SLC25A38: variants seen among roughly 807,000 people sequenced by gnomAD.
SLC25A38 encodes the protein solute carrier family 25 member 38, also known as mitochondrial glycine transporter.
Under a neutral mutation model 33.4 loss-of-function variants are expected in SLC25A38, and 27 were observed. The ratio of observed to expected loss-of-function variants is 0.81; its 90% CI spans 0.60 to 1.11. The LOEUF (loss-of-function observed/expected upper bound fraction) is 1.11. Among genes scored for constraint, SLC25A38 ranks in the 50% most tolerant of loss-of-function variants. The probability of loss-of-function intolerance (pLI) is 0.00; values close to 1 mark genes in which losing one functional copy is unlikely to be tolerated. For missense variants in SLC25A38, 344 were observed against 388.8 expected (o/e 0.88, Z 0.97); for synonymous variants, 123 against 145.9 (o/e 0.84, Z 1.13).
chr3:39,394,585 A>T lies in SLC25A38; in HGVS notation c.792+9A>T. ...TGACACTTATTTTCAAAGTAAGACTACAAAATAAGTACTGGTTCTTGTGGT... is the reference window on the plus strand; with the variant it reads ...TGACACTTATTTTCAAAGTAAGACTTCAAAATAAGTACTGGTTCTTGTGGT... On this transcript the variant is annotated intron_variant, in intron 6 of 6. Transcript: ENST00000650617. The T allele has an allele frequency of 6.2e-7, 1 of 1,614,138 alleles. No individual in the cohort carries two copies. Among genetic ancestry groups the T allele is most frequent in the South Asian group, 1.1e-5 (1 of 91,086 alleles).
intron 1 of SLC25A38, chr3:39,384,574 A>G (rs2041688796): frequency 2.6e-6 from 1 of 386,562 alleles, no homozygotes; most frequent in East Asian, 3.7e-5. Flanking sequence ...GACGTCTTTG[A>G]AAACCTGCTT....
intron 6 of SLC25A38, among the ~76,000 whole-genome samples, 182 bp downstream of exon 6, chr3:39,394,758 C>T (rs1447659389): frequency 6.6e-6 from 1 of 151,992 alleles, no homozygotes; most frequent in Non-Finnish European, 1.5e-5. Flanking sequence ...TAATGTTCCC[C>T]AGTGATTTTA....
chr3:39,396,619 T>C lies in SLC25A38; in HGVS notation c.*99T>C. ...TTCTGCAGTAAGATGAAGTCCTACCTGGAAAACCAGGCAGAAATTGTGTTG... is the reference window on the plus strand; with the variant it reads ...TTCTGCAGTAAGATGAAGTCCTACCCGGAAAACCAGGCAGAAATTGTGTTG... On this transcript the variant is annotated 3_prime_UTR_variant, in exon 7 of 7. Coordinates refer to ENST00000650617, the MANE Select transcript of SLC25A38 (RefSeq NM_017875.4). 6.3e-7 allele frequency: 1 copy of C among 1,598,272 alleles called. No homozygotes were observed. Among genetic ancestry groups the C allele is most frequent in the Non-Finnish European group, 8.6e-7 (1 of 1,169,576 alleles).
intron 5 of SLC25A38, 45 bp from the exon 6 acceptor site, chr3:39,394,365 T>G: frequency 1.2e-6 from 2 of 1,610,620 alleles, no homozygotes; most frequent in Non-Finnish European, 1.7e-6. Context: ...CTTTATCTGA[T>G]TAATATAAGA....
intron 4 of SLC25A38, 46 bp downstream of exon 4, chr3:39,391,666 C>G: frequency 6.2e-7 from 1 of 1,613,334 alleles, no homozygotes; most frequent in Non-Finnish European, 8.5e-7. Context: ...GGCTTAGCCA[C>G]TGGGCTCCTG....
intron 3 of SLC25A38, 74 bp downstream of exon 3, chr3:39,390,581 A>G (rs2041753651): frequency 6.9e-7 from 1 of 1,452,024 alleles, no homozygotes; most frequent in Non-Finnish European, 9.7e-7. Context: ...CTACCTTACC[A>G]GCTCTTAAGG....
chr3:39,395,638 C>G (rs1196615643), intron 6 of SLC25A38, among the ~76,000 whole-genome samples: 1 of 151,706 alleles, frequency 6.6e-6, no homozygotes, highest in African/African-American at 2.4e-5. Context: ...GGCATTTTTT[C>G]TTTAATTAAT....
In SLC25A38 at chr3:39,392,695, G is replaced by A. The variant is rs1035347559; in HGVS notation, c.625+674G>A. On this transcript the variant is annotated intron_variant, in intron 5 of 6. Transcript: ENST00000650617. ...ACACATCCATAGAATGAACCTGCAT[G>A]TAATAAAGTGTCTATGGATAATTTG... Among the ~76,000 whole-genome samples, 5 of 152,224 alleles carry A rather than the reference G, an allele frequency of 3.3e-5. No homozygotes were observed. The East Asian group carries it at 9.7e-4, about 29-fold the overall frequency.
chr3:39,388,674 A>T (rs1208642998), intron 1 of SLC25A38, among the ~76,000 whole-genome samples: 1 of 152,066 alleles, frequency 6.6e-6, no homozygotes, highest in East Asian at 1.9e-4. Flanking sequence ...AGGGAAGGGG[A>T]AGAAGGTCAC....
intron 3 of SLC25A38, 46 bp from the exon 4 acceptor site, chr3:39,391,393 TAA>T (rs758689666): frequency 1.2e-6 from 2 of 1,611,316 alleles, no homozygotes; most frequent in African/African-American, 2.7e-5. Context: ...AGATAATACT[TAA>T]AGTGTTTGGT....
Position 39,388,841 on chromosome 3 carries a change from C to A in SLC25A38, c.70-654C>A, listed in dbSNP as rs970348411. On this transcript the variant is annotated intron_variant, in intron 1 of 6. Coordinates refer to ENST00000650617, the MANE Select transcript of SLC25A38 (RefSeq NM_017875.4). ...TATTTAGTCTTTGAAGGAGTTCCAC[C>A]CTTCCAGGTGGTGTCTGTAGATTAG... is the stretch of plus-strand genomic sequence containing the variant. Among the ~76,000 whole-genome samples, 6 of 152,188 alleles carry A rather than the reference C, an allele frequency of 3.9e-5. No homozygotes were observed. The East Asian group carries it at 7.7e-4, about 20-fold the overall frequency.
chr3:39,392,907 G>A (rs67144715), intron 5 of SLC25A38, among the ~76,000 whole-genome samples: 2,703 of 152,306 alleles, frequency 0.018, 34 homozygotes, highest in Non-Finnish European at 0.029. Flanking sequence ...AGGAAGCATA[G>A]ATGGGCAATT....
At chr3:39,390,298 AT>A in intron 2 of SLC25A38, 124 bp from the exon 3 acceptor site, 1 of 922,744 alleles carries the variant, frequency 1.1e-6, no homozygotes, top group Non-Finnish European at 1.8e-6. Context: ...TCCAAGGTGC[AT>A]TGTAGAGATT....
chr3:39,390,356 G>A (rs2041748087), intron 2 of SLC25A38, 67 bp from the exon 3 acceptor site: 2 of 1,502,116 alleles, frequency 1.3e-6, no homozygotes, highest in Non-Finnish European at 1.9e-6. Context: ...TTTGAGTGGG[G>A]AATTGTTTTA....
At chr3:39,396,326 T>C in intron 6 of SLC25A38, 72 bp from the exon 7 acceptor site, 1 of 1,607,006 alleles carries the variant, frequency 6.2e-7, no homozygotes, top group Non-Finnish European at 8.5e-7. Flanking sequence ...AGACCCTCAC[T>C]GTGGTACCAA....
chr3:39,384,958 C>T (rs1426705878), intron 1 of SLC25A38, among the ~76,000 whole-genome samples: 13 of 151,958 alleles, frequency 8.6e-5, no homozygotes, highest in Non-Finnish European at 1.6e-4. Context: ...TGCGCCACCA[C>T]GCCCGGCTAG....
rs1320014313 is a variant in SLC25A38 at position 39,396,323 on chromosome 3, C to T, written c.793-75C>T. On this transcript the variant is annotated intron_variant, in intron 6 of 6. Coordinates refer to ENST00000650617, the MANE Select transcript of SLC25A38 (RefSeq NM_017875.4). ...TTAAACATGGGATAACAGAGACCCTCACTGTGGTACCAAGTGGATAATTAA... is the reference window on the plus strand; with the variant it reads ...TTAAACATGGGATAACAGAGACCCTTACTGTGGTACCAAGTGGATAATTAA... 12 of 1,606,732 alleles carry T rather than the reference C, an allele frequency of 7.5e-6. No individual in the cohort carries two copies. In the African/African-American group the frequency reaches 8.0e-5, roughly 11 times the overall value.
Position 39,383,652 on chromosome 3 carries a change from A to G in SLC25A38, c.-73A>G. 3 of 1,572,688 alleles carry G rather than the reference A, an allele frequency of 1.9e-6. No homozygotes were observed. The highest frequency in any genetic ancestry group is 1.3e-5 in the African/African-American group (1 of 74,212). On this transcript the variant is annotated 5_prime_UTR_variant, in exon 1 of 7. Coordinates refer to ENST00000650617, the MANE Select transcript of SLC25A38 (RefSeq NM_017875.4). Reference sequence around the variant, plus strand: ...TAGCGCCACCCCCTAGCCTTCTTCAAGGCCTCCAGGGCTGGGCCCAAGCGC... The same window carrying G: ...TAGCGCCACCCCCTAGCCTTCTTCAGGGCCTCCAGGGCTGGGCCCAAGCGC...
chr3:39,385,120 G>A (rs2041695882), intron 1 of SLC25A38, among the ~76,000 whole-genome samples: 1 of 152,150 alleles, frequency 6.6e-6, no homozygotes, highest in African/African-American at 2.4e-5. Flanking sequence ...CTTTTTAAAA[G>A]TTAAGTTCAC....
Sources: gnomAD v4.1 joint callset for allele counts (sites outside exome capture counted in the v4.1 genomes callset) on GRCh38, gnomAD v4.1.1 for gene constraint, MANE v1.5 for transcripts, NCBI Gene and HGNC (gene_info 2026-07-23, HGNC 2026-07-21) for gene names.